Variants in HERC3 observed in about 807,000 individuals in gnomAD.
HERC3 encodes the protein probable E3 ubiquitin-protein ligase HERC3.
Under a neutral mutation model 129.9 loss-of-function variants are expected in HERC3, and 58 were observed. The ratio of observed to expected loss-of-function variants is 0.45; its 90% confidence interval spans 0.36 to 0.56. The LOEUF (loss-of-function observed/expected upper bound fraction) is 0.56. Ranked by LOEUF, HERC3 falls within the 20% of genes least tolerant of loss-of-function variation. The pLI is 0.00. For synonymous variants in HERC3, 430 were observed against 451.0 expected, an observed-to-expected ratio of 0.95 and a Z score of 0.59; for missense variants, 835 against 1,244.2, an observed-to-expected ratio of 0.67 and a Z score of 4.95.
intron 10 of HERC3, among the ~76,000 whole-genome samples, chr4:88,660,618 T>C (rs575233315): frequency 8.8e-4 from 134 of 152,328 alleles, no homozygotes; most frequent in Non-Finnish European, 1.5e-3. Context: ...TTCTAGGTCT[T>C]GGGAATTTAG....
In HERC3 at chr4:88,644,891, T is replaced by A. The variant is rs982277189; in HGVS notation, c.227-4949T>A. ...TAGACCAAAGTAATTAATTAAGAAA[T>A]AAATTGGAATATGGCTTTGGAAAAG... is the stretch of plus-strand genomic sequence containing the variant. On this transcript the variant is annotated intron_variant, in intron 3 of 25. Transcript: ENST00000402738. Among the ~76,000 whole-genome samples, 50 of 151,934 alleles carry A rather than the reference T, an allele frequency of 3.3e-4. 1 individual carries two copies. Among genetic ancestry groups the A allele is most frequent in the African/African-American group, 1.2e-3 (49 of 41,352 alleles).
chr4:88,678,556 T>A (rs1430393302), intron 19 of HERC3, among the ~76,000 whole-genome samples: 1 of 152,208 alleles, frequency 6.6e-6, no homozygotes, highest in Admixed American at 6.5e-5. Flanking sequence ...TGGCCTATTA[T>A]GAGAGGCACA....
rs1447855508 is a variant in HERC3, at chr4:88,693,423, T to C, written c.2657+6124T>C. The C allele has an allele frequency of 4.1e-6, 4 of 972,242 alleles. No individual in the cohort carries two copies. In the South Asian group the frequency reaches 1.4e-4, roughly 35 times the overall value. The allele number at this position is 972,242 out of a possible 1,614,324, so 60.2% of individuals were successfully genotyped here. On this transcript the variant is annotated intron_variant, in intron 23 of 25. Transcript: ENST00000402738. ...CCATTTCATCCAGTCCTTAGAAACA[T>C]GGTGTGTATTCTTTAAAAAAAAAGT...
At chr4:88,699,429 C>G (rs1053282597) in intron 23 of HERC3, among the ~76,000 whole-genome samples, 12 of 138,788 alleles carry the variant, frequency 8.6e-5, no homozygotes, top group Non-Finnish European at 1.7e-4. Flanking sequence ...ACCACCTTCC[C>G]CCAACCGTCT....
At chr4:88,663,008 A>C (rs1053439541) in intron 11 of HERC3, among the ~76,000 whole-genome samples, 3 of 152,116 alleles carry the variant, frequency 2.0e-5, no homozygotes, top group Admixed American at 6.5e-5. Context: ...TAGAAAAAAA[A>C]AAAAACAACA....
upstream of HERC3, among the ~76,000 whole-genome samples, chr4:88,590,375 A>C (rs1721634084): frequency 6.6e-6 from 1 of 152,098 alleles, no homozygotes; most frequent in Non-Finnish European, 1.5e-5. Context: ...CCTGGCTAAC[A>C]TGGTGAAACC....
At chr4:88,550,871 C>T in the HERC3 span, among the ~76,000 whole-genome samples, 1 of 151,924 alleles carries the variant, frequency 6.6e-6, no homozygotes, top group Non-Finnish European at 1.5e-5. Flanking sequence ...ATCACGTTAC[C>T]TGACTTCAAA....
chr4:88,609,384 T>C (rs961125030), intron 3 of HERC3, among the ~76,000 whole-genome samples: 29 of 152,202 alleles, frequency 1.9e-4, no homozygotes, highest in African/African-American at 6.8e-4. Flanking sequence ...TGTGTAAATA[T>C]TGAATGCAGT....
chr4:88,650,881 C>T (rs954056894), intron 4 of HERC3, among the ~76,000 whole-genome samples: 3 of 152,174 alleles, frequency 2.0e-5, no homozygotes, highest in Non-Finnish European at 4.4e-5. Context: ...GCCTAATTAT[C>T]GTCCCCTTTA....
intron 23 of HERC3, among the ~76,000 whole-genome samples, chr4:88,702,802 A>G (rs1417620276): frequency 2.6e-5 from 4 of 152,224 alleles, no homozygotes; most frequent in Non-Finnish European, 4.4e-5. Flanking sequence ...TTATCTAGAT[A>G]TTGACAGAAT....
intron 3 of HERC3, among the ~76,000 whole-genome samples, chr4:88,625,723 CT>C (rs1341349302): frequency 6.6e-6 from 1 of 152,110 alleles, no homozygotes; most frequent in Non-Finnish European, 1.5e-5. Context: ...ACATCCTCAC[CT>C]TGTTCCTGAT....
At chr4:88,612,477 C>T (rs1420157362) in intron 3 of HERC3, among the ~76,000 whole-genome samples, 1 of 152,052 alleles carries the variant, frequency 6.6e-6, no homozygotes, top group African/African-American at 2.4e-5. Flanking sequence ...GGCATAGAGG[C>T]CTGTGATTCC....
At chr4:88,622,499 C>T (rs1725645806) in intron 3 of HERC3, among the ~76,000 whole-genome samples, 1 of 152,102 alleles carries the variant, frequency 6.6e-6, no homozygotes, top group South Asian at 2.1e-4. Context: ...AGGTATGTAC[C>T]TAGAAGTGGA....
chr4:88,698,382 C>T (rs1253283462), intron 23 of HERC3, among the ~76,000 whole-genome samples: 2 of 151,992 alleles, frequency 1.3e-5, no homozygotes, highest in Non-Finnish European at 2.9e-5. Context: ...CCCCCTTGGC[C>T]ATCCCACACA....
intron 3 of HERC3, among the ~76,000 whole-genome samples, chr4:88,629,716 C>T (rs1282780813): frequency 6.6e-6 from 1 of 152,096 alleles, no homozygotes; most frequent in Non-Finnish European, 1.5e-5. Flanking sequence ...ACTTTAATTT[C>T]CAGTTCTTCA....
At chr4:88,614,797 T>G (rs750074063) in intron 3 of HERC3, among the ~76,000 whole-genome samples, 33 of 152,218 alleles carry the variant, frequency 2.2e-4, no homozygotes, top group Non-Finnish European at 3.4e-4. Flanking sequence ...TCATTTGTTT[T>G]AAATACTCTT....
the HERC3 span, among the ~76,000 whole-genome samples, chr4:88,554,786 G>A: frequency 6.6e-6 from 1 of 152,098 alleles, no homozygotes; most frequent in African/African-American, 2.4e-5. Context: ...TTGAGGTGTG[G>A]GGCTTTTGTC....
chr4:88,681,402 C>A, intron 21 of HERC3, 77 bp downstream of exon 21: 1 of 1,259,940 alleles, frequency 7.9e-7, no homozygotes, highest in Non-Finnish European at 1.1e-6. Context: ...TTGAAAATAC[C>A]ATCTGTACAA....
intron 12 of HERC3, among the ~76,000 whole-genome samples, chr4:88,666,560 T>C (rs77271872): frequency 0.012 from 1,854 of 152,332 alleles, 41 homozygotes; most frequent in African/African-American, 0.041. Flanking sequence ...GAAACTCTTA[T>C]GTTTTCAAAA....
Sources: gnomAD v4.1 joint callset for allele counts (sites outside exome capture counted in the v4.1 genomes callset) on GRCh38, gnomAD v4.1.1 for gene constraint, MANE v1.5 for transcripts, NCBI Gene and HGNC (gene_info 2026-07-23, HGNC 2026-07-21) for gene names.